DSCAM: variants seen among roughly 807,000 people sequenced by gnomAD.
The protein encoded by DSCAM is DS cell adhesion molecule, also known as cell adhesion molecule DSCAM.
DSCAM carries 47 observed loss-of-function variants against 217.7 expected under a neutral mutation model. The ratio of observed to expected loss-of-function variants is 0.22; its 90% CI spans 0.17 to 0.28. The LOEUF is 0.28. Ranked by LOEUF, DSCAM falls within the 10% of genes least tolerant of loss-of-function variation. The probability of loss-of-function intolerance (pLI) is 1.00; values close to 1 mark genes in which losing one functional copy is unlikely to be tolerated. For synonymous variants in DSCAM, 1,056 were observed against 1,015.3 expected (o/e 1.04, Z -0.76); for missense variants, 2,080 against 2,618.3 (o/e 0.79, Z 4.49).
At chr21:40,412,485 A>G (rs2075332333) in intron 3 of DSCAM, among the ~76,000 whole-genome samples, 1 of 152,222 alleles carries the variant, frequency 6.6e-6, no homozygotes, top group South Asian at 2.1e-4. Context: ...TGGGAACTGG[A>G]GCAAAGGTGA....
intron 3 of DSCAM, among the ~76,000 whole-genome samples, chr21:40,517,044 C>T (rs545664991): frequency 7.1e-4 from 103 of 145,194 alleles, no homozygotes; most frequent in African/African-American, 2.4e-3. Context: ...TATATATATA[C>T]CTTATATACT....
At chr21:40,072,377 C>T (rs535505476) in intron 27 of DSCAM, among the ~76,000 whole-genome samples, 8 of 150,204 alleles carry the variant, frequency 5.3e-5, no homozygotes, top group South Asian at 4.2e-4. Context: ...GACAGAGTCT[C>T]GCTCTGTCAC....
chr21:40,366,682 A>T (rs1267443157), intron 4 of DSCAM, among the ~76,000 whole-genome samples: 1 of 152,098 alleles, frequency 6.6e-6, no homozygotes, highest in Non-Finnish European at 1.5e-5. Context: ...TTCATTTTAC[A>T]ATAAGATAGA....
At chr21:40,415,906 G>A (rs2075366982) in intron 3 of DSCAM, among the ~76,000 whole-genome samples, 1 of 152,058 alleles carries the variant, frequency 6.6e-6, no homozygotes, top group Non-Finnish European at 1.5e-5. Context: ...TTTTATTAAT[G>A]ACACATAGGT....
chr21:40,175,774 CACACAT>C (rs1318313616), intron 15 of DSCAM, among the ~76,000 whole-genome samples: 190 of 40,902 alleles, frequency 4.6e-3, no homozygotes, highest in African/African-American at 0.019. Flanking sequence ...TTTCTCAACA[CACACAT>C]ACACACACAC....
At chr21:40,460,271 C>A (rs1420775310) in intron 3 of DSCAM, among the ~76,000 whole-genome samples, 1 of 151,528 alleles carries the variant, frequency 6.6e-6, no homozygotes, top group Non-Finnish European at 1.5e-5. Flanking sequence ...ACAGGTACCC[C>A]AGAACTTAAA....
At chr21:40,265,368 A>C (rs2073511277) in intron 11 of DSCAM, among the ~76,000 whole-genome samples, 1 of 152,154 alleles carries the variant, frequency 6.6e-6, no homozygotes, top group Non-Finnish European at 1.5e-5. Flanking sequence ...CAAATGGAAA[A>C]ACATCCCATG....
chr21:40,158,094 A>C (rs1328701234), intron 16 of DSCAM, among the ~76,000 whole-genome samples: 1 of 152,144 alleles, frequency 6.6e-6, no homozygotes, highest in Non-Finnish European at 1.5e-5. Context: ...ATATTGAAAA[A>C]GTTGTCTGGG....
At chr21:40,039,850 A>C (rs968645426) in intron 32 of DSCAM, among the ~76,000 whole-genome samples, 2 of 152,144 alleles carry the variant, frequency 1.3e-5, no homozygotes, top group African/African-American at 2.4e-5. Context: ...GAAAAAAAGG[A>C]CCATCAGAAA....
At chr21:40,033,038 G>T (rs1030508278) in intron 32 of DSCAM, among the ~76,000 whole-genome samples, 12 of 152,128 alleles carry the variant, frequency 7.9e-5, no homozygotes, top group Non-Finnish European at 1.2e-4. Context: ...CATTTCATTT[G>T]TTCCACCCTT....
chr21:40,612,686 T>A (rs2089331813), intron 3 of DSCAM, among the ~76,000 whole-genome samples: 1 of 152,200 alleles, frequency 6.6e-6, no homozygotes, highest in African/African-American at 2.4e-5. Context: ...ATGTCTGTTA[T>A]ATGTTATCAA....
At chr21:40,175,815 A>ACACACG (rs1555886121) in intron 15 of DSCAM, among the ~76,000 whole-genome samples, 2 of 149,654 alleles carry the variant, frequency 1.3e-5, no homozygotes, top group Non-Finnish European at 3.0e-5. Flanking sequence ...ACACGCACAC[A>ACACACG]CACACACACG....
intron 1 of DSCAM, among the ~76,000 whole-genome samples, chr21:40,780,423 G>GTGTGTATA (rs1007015659): frequency 6.0e-4 from 34 of 56,436 alleles, no homozygotes; most frequent in Non-Finnish European, 7.0e-4. Flanking sequence ...GTGTGTGTGT[G>GTGTGTATA]TATATATATA....
chr21:40,628,727 A>G, intron 3 of DSCAM, among the ~76,000 whole-genome samples: 1 of 79,352 alleles, frequency 1.3e-5, no homozygotes, highest in African/African-American at 4.4e-5. Flanking sequence ...CTATCTATCT[A>G]TCTATCTATC....
intron 3 of DSCAM, among the ~76,000 whole-genome samples, chr21:40,421,768 T>A (rs1171887383): frequency 5.3e-5 from 8 of 152,232 alleles, no homozygotes; most frequent in Non-Finnish European, 8.8e-5. Context: ...AGTACTTGGA[T>A]TTTAAGACAA....
chr21:40,668,237 T>C (rs9977846), intron 3 of DSCAM, among the ~76,000 whole-genome samples: 38,608 of 152,060 alleles, frequency 0.25, 6,012 homozygotes, highest in Admixed American at 0.42. Context: ...CTTATGACAA[T>C]TTCCCCAGCC....
Position 40,011,614 on chromosome 21 carries a change from TA to T in DSCAM, c.*1419del, listed in dbSNP as rs1270312776. 5 of 58,946 alleles carry T rather than the reference TA, an allele frequency of 8.5e-5. No homozygotes were observed. The highest frequency in any genetic ancestry group is 3.5e-4 in the African/African-American group (5 of 14,374). The allele number at this position is 58,946 out of a possible 1,614,324, so 3.7% of individuals were successfully genotyped here. A position where few individuals can be genotyped will look rare whatever the true frequency, so the allele number is the denominator to read the frequency against. On this transcript the variant is annotated 3_prime_UTR_variant, in exon 33 of 33. Transcript: ENST00000400454. ...CAGGGGAGGATTACATCCTCTTTCA[TA>T]AAGCAAACCCTGTGAGGGTTGTGGG...
chr21:40,598,591 G>A (rs1180012327), intron 3 of DSCAM, among the ~76,000 whole-genome samples: 3 of 125,082 alleles, frequency 2.4e-5, no homozygotes, highest in African/African-American at 3.0e-5. Flanking sequence ...TGAAACCTCC[G>A]CCTCCTGGGT....
intron 32 of DSCAM, among the ~76,000 whole-genome samples, chr21:40,024,377 T>G (rs1227382422): frequency 1.3e-5 from 1 of 77,082 alleles, no homozygotes; most frequent in East Asian, 3.7e-4. Context: ...CCATATGAAC[T>G]TTAAAGTAGT....
Sources: allele counts gnomAD v4.1 joint callset (sites outside exome capture counted in the v4.1 genomes callset), GRCh38; gene constraint gnomAD v4.1.1; transcripts MANE v1.5; gene names NCBI Gene and HGNC (gene_info 2026-07-23, HGNC 2026-07-21).